SPOCK3: variants seen among roughly 807,000 people sequenced by gnomAD.
The protein encoded by SPOCK3 is SPARC (osteonectin), cwcv and kazal like domains proteoglycan 3.
Under a neutral mutation model 56.6 loss-of-function variants are expected in SPOCK3, and 30 were observed. That is an observed-to-expected ratio of 0.53 (90% CI 0.40 to 0.72). The LOEUF is 0.72. Ranked by LOEUF, SPOCK3 falls within the 30% of genes least tolerant of loss-of-function variation. The probability of loss-of-function intolerance (pLI) is 0.00; values close to 1 mark genes in which losing one functional copy is unlikely to be tolerated. For missense variants in SPOCK3, 527 were observed against 530.0 expected (o/e 0.99, Z 0.06); for synonymous variants, 196 against 183.3 (o/e 1.07, Z -0.56).
intron 2 of SPOCK3, among the ~76,000 whole-genome samples, chr4:167,102,014 T>C (rs1195140344): frequency 1.3e-5 from 2 of 152,004 alleles, no homozygotes; most frequent in Non-Finnish European, 2.9e-5. Flanking sequence ...CTTTTTTTTT[T>C]CTTTTCATTT....
chr4:167,123,019 C>T (rs897039719), intron 2 of SPOCK3, among the ~76,000 whole-genome samples: 1 of 150,844 alleles, frequency 6.6e-6, no homozygotes, highest in African/African-American at 2.4e-5. Context: ...AAAAATTAAA[C>T]GTCATGTCCT....
chr4:167,127,068 G>A (rs150232868), intron 2 of SPOCK3, among the ~76,000 whole-genome samples: 2 of 152,282 alleles, frequency 1.3e-5, no homozygotes, highest in East Asian at 3.9e-4. Context: ...AGACAATTGG[G>A]TGAGGAGAAT....
At chr4:167,144,990 G>A (rs1042787297) in intron 2 of SPOCK3, among the ~76,000 whole-genome samples, 1 of 151,618 alleles carries the variant, frequency 6.6e-6, no homozygotes, top group Admixed American at 6.6e-5. Context: ...AGGACCACTC[G>A]AAATGCTGTT....
chr4:166,920,781 T>C (rs951871097), intron 4 of SPOCK3, among the ~76,000 whole-genome samples: 11 of 152,200 alleles, frequency 7.2e-5, no homozygotes, highest in Admixed American at 6.5e-4. Context: ...CATTTTTATA[T>C]ATATATAAAT....
chr4:166,850,700 G>T (rs1748597136), intron 6 of SPOCK3, among the ~76,000 whole-genome samples: 1 of 152,228 alleles, frequency 6.6e-6, no homozygotes, highest in African/African-American at 2.4e-5. Context: ...CAAAGAAAGG[G>T]GTGACAGACG....
chr4:167,020,318 TC>T (rs1216929175), intron 3 of SPOCK3, among the ~76,000 whole-genome samples: 2 of 152,116 alleles, frequency 1.3e-5, no homozygotes, highest in Admixed American at 1.3e-4. Flanking sequence ...AGGGGAAATT[TC>T]TAGAATAGCA....
At chr4:167,232,091 T>C (rs1219172146) in intron 2 of SPOCK3, among the ~76,000 whole-genome samples, 1 of 152,034 alleles carries the variant, frequency 6.6e-6, no homozygotes, top group African/African-American at 2.4e-5. Context: ...TCTATAGAAA[T>C]TGACTCCATA....
intron 2 of SPOCK3, among the ~76,000 whole-genome samples, chr4:167,110,311 C>T (rs1256716681): frequency 2.0e-5 from 3 of 151,978 alleles, no homozygotes; most frequent in Non-Finnish European, 1.5e-5. Context: ...CTCTTTTTCT[C>T]TATTTCTCAG....
intron 3 of SPOCK3, among the ~76,000 whole-genome samples, chr4:167,020,490 C>T (rs562823517): frequency 1.1e-4 from 17 of 152,142 alleles, no homozygotes; most frequent in African/African-American, 4.1e-4. Flanking sequence ...GTGCTGCCCT[C>T]ATGAATGAAC....
intron 6 of SPOCK3, among the ~76,000 whole-genome samples, chr4:166,832,641 G>A (rs1018107436): frequency 6.6e-6 from 1 of 152,096 alleles, no homozygotes; most frequent in Non-Finnish European, 1.5e-5. Context: ...CAATAGCCAA[G>A]ACATGGAATG....
chr4:166,876,764 G>A (rs905581618), intron 6 of SPOCK3, among the ~76,000 whole-genome samples: 2 of 152,050 alleles, frequency 1.3e-5, no homozygotes, highest in African/African-American at 4.8e-5. Flanking sequence ...ATATTTAAGT[G>A]TAAAAAACAT....
At chr4:167,179,682 C>T (rs1257008760) in intron 2 of SPOCK3, among the ~76,000 whole-genome samples, 1 of 152,060 alleles carries the variant, frequency 6.6e-6, no homozygotes, top group East Asian at 1.9e-4. Flanking sequence ...AGACTTTGCA[C>T]ATTTTGTTTT....
chr4:166,945,252 A>G (rs1427694870), intron 4 of SPOCK3, among the ~76,000 whole-genome samples: 1 of 152,202 alleles, frequency 6.6e-6, no homozygotes, highest in Non-Finnish European at 1.5e-5. Flanking sequence ...TGGCACCCTC[A>G]GTAAATAGAT....
chr4:166,826,690 G>A (rs943822212), intron 6 of SPOCK3, among the ~76,000 whole-genome samples: 3 of 151,954 alleles, frequency 2.0e-5, no homozygotes, highest in African/African-American at 7.2e-5. Context: ...GATTATGTGG[G>A]AATGCCCACA....
In SPOCK3 at chr4:167,020,297, A is replaced by G. The variant is rs917808698; in HGVS notation, c.236-19834T>C. Among the ~76,000 whole-genome samples, 3 of 152,106 alleles carry G rather than the reference A, an allele frequency of 2.0e-5. No individual in the cohort carries two copies. In the East Asian group the frequency reaches 5.8e-4, roughly 29 times the overall value. ...AACTTTTAAGGCAGATGAAGTGCCT[A>G]TTTGGCCTCTAGGGGAAATTTCTAG... is the stretch of plus-strand genomic sequence containing the variant. On this transcript the variant is annotated intron_variant, in intron 3 of 10. Coordinates refer to ENST00000357545, the MANE Select transcript of SPOCK3 (RefSeq NM_001040159.2).
chr4:166,865,440 G>T (rs939705982), intron 6 of SPOCK3, among the ~76,000 whole-genome samples: 12 of 152,248 alleles, frequency 7.9e-5, no homozygotes, highest in Non-Finnish European at 1.5e-4. Context: ...GGGCAATGAG[G>T]CAAGAGAAAG....
chr4:166,739,476 A>G (rs2126375117), intron 9 of SPOCK3, among the ~76,000 whole-genome samples: 1 of 152,176 alleles, frequency 6.6e-6, no homozygotes, highest in African/African-American at 2.4e-5. Context: ...CCTGACTTCA[A>G]GTCATCCATC....
At chr4:167,044,586 C>T (rs144899907) in intron 3 of SPOCK3, among the ~76,000 whole-genome samples, 36 of 152,034 alleles carry the variant, frequency 2.4e-4, no homozygotes, top group African/African-American at 7.7e-4. Context: ...TTTCACTGCA[C>T]GCCACAAACA....
At chr4:167,153,426 A>T (rs958515959) in intron 2 of SPOCK3, among the ~76,000 whole-genome samples, 3 of 152,192 alleles carry the variant, frequency 2.0e-5, no homozygotes, top group Non-Finnish European at 4.4e-5. Flanking sequence ...GCTTTATAGG[A>T]TTGCTGTCCC....
Sources: allele counts gnomAD v4.1 joint callset (sites outside exome capture counted in the v4.1 genomes callset), GRCh38; gene constraint gnomAD v4.1.1; transcripts MANE v1.5; gene names NCBI Gene and HGNC (gene_info 2026-07-23, HGNC 2026-07-21).